HGFAC: variants seen among roughly 807,000 people sequenced by gnomAD.
HGFAC encodes the protein HGF activator, also known as hepatocyte growth factor activator serine protease.
A neutral mutation model predicts 70.6 loss-of-function variants in HGFAC; 76 were observed. That is an observed-to-expected ratio of 1.08 (90% CI 0.89 to 1.30). HGFAC has a LOEUF of 1.30. HGFAC is among the 50% of genes most tolerant of loss of function. The pLI is 0.00. For missense variants in HGFAC, 1,044 were observed against 933.7 expected (o/e 1.12, Z -1.54); for synonymous variants, 464 against 405.3 (o/e 1.14, Z -1.74).
chr4:3,445,695 G>C, intron 9 of HGFAC: 1 of 634,030 alleles, frequency 1.6e-6, no homozygotes, highest in East Asian at 2.7e-5. Flanking sequence ...CTGGGGAGAG[G>C]CCCCCCGGCT....
chr4:3,446,186 C>A lies in HGFAC; in HGVS notation c.1247C>A (p.Pro416His). 6.2e-7 allele frequency: 1 copy of A among 1,611,140 alleles called. No homozygotes were observed. The highest frequency in any genetic ancestry group is 8.5e-7 in the Non-Finnish European group (1 of 1,179,482). The change falls in exon 10 of 14, where the codon CCC becomes CAC. Residue 416 changes from proline to histidine, a missense_variant. Pro to His is a moderately conservative substitution (Grantham distance 77, BLOSUM62 -2). Transcript: ENST00000382774. ...ATCATCGGCGGCTCCTCCTCGCTGCCCGGCTCGCACCCCTGGCTGGCCGCC... is the reference window on the plus strand; with the variant it reads ...ATCATCGGCGGCTCCTCCTCGCTGCACGGCTCGCACCCCTGGCTGGCCGCC... The part of the protein sequence containing the change: ...PRIIGGSSSL[P>H]GSHPWLAAIY...
Position 3,443,393 on chromosome 4 carries a change from G to A in HGFAC, c.448G>A (p.Glu150Lys). The change falls in exon 4 of 14, where the codon GAG (glutamate) becomes AAG (lysine). Residue 150 changes from glutamate (E) to lysine (K), a missense_variant. Transcript: ENST00000382774. ...DRDRAWGYCVEATPPPGGPAA... is the reference protein window; with the variant it reads ...DRDRAWGYCVKATPPPGGPAA... ...GGACAGGGCCTGGGGCTACTGTGTG[G>A]AGGCCACCCCGCCTCCAGGGGGCCC... is the stretch of plus-strand genomic sequence containing the variant. 2.7e-6 allele frequency: 4 copies of A among 1,497,734 alleles called. No individual in the cohort carries two copies. Among genetic ancestry groups the A allele is most frequent in the Non-Finnish European group, 3.6e-6 (4 of 1,122,574 alleles). 92.8% of individuals were successfully genotyped at this position (1,497,734 alleles called of 1,614,324 possible). A position where few individuals can be genotyped will look rare whatever the true frequency, so the allele number is the denominator to read the frequency against.
In HGFAC at chr4:3,448,339, G is replaced by A. The variant is rs575606877; in HGVS notation, c.1785+63G>A. On this transcript the variant is annotated intron_variant, in intron 13 of 13. Transcript: ENST00000382774. ...GGGGCTCAGCTGGTCCTGAGTCTCC[G>A]AGATGCTTGCCCCTGGGGAGCCCAG... The A allele has an allele frequency of 6.3e-4, 984 of 1,557,668 alleles. 21 individuals carry two copies. Among genetic ancestry groups the A allele is most frequent in the Non-Finnish European group, 1.9e-4 (214 of 1,151,982 alleles).
At position 3,448,255 on chromosome 4, in the gene HGFAC, C is replaced by T. The variant is rs1725599948; in HGVS notation, c.1764C>T (p.Asp588=). Residue 588 remains aspartate, a synonymous_variant, in exon 13 of 14, where the codon GAC becomes GAT. Transcript: ENST00000382774. ...SPNMLCAGYF[D]CKSDACQGDS... ...ACATGCTCTGTGCCGGCTACTTCGACTGCAAGTCCGACGCCTGCCAGGTGA... is the reference window on the plus strand; with the variant it reads ...ACATGCTCTGTGCCGGCTACTTCGATTGCAAGTCCGACGCCTGCCAGGTGA... The T allele has an allele frequency of 1.2e-6, 2 of 1,606,534 alleles. No homozygotes were observed. The highest frequency in any genetic ancestry group is 1.7e-6 in the Non-Finnish European group (2 of 1,178,190).
chr4:3,443,026 G>C (rs367755256), intron 2 of HGFAC, 24 bp from the exon 3 acceptor site: 1 of 1,574,830 alleles, frequency 6.3e-7, no homozygotes, highest in Non-Finnish European at 8.6e-7. Flanking sequence ...AGGGAGCCCT[G>C]ACCCTGCCAC....
chr4:3,447,415 TGA>T, intron 10 of HGFAC, 75 bp from the exon 11 acceptor site: 1 of 1,552,274 alleles, frequency 6.4e-7, no homozygotes, highest in Non-Finnish European at 8.8e-7. Flanking sequence ...TCCGTGGGCC[TGA>T]CAGGGGGTGG....
chr4:3,444,108 A>G lies in HGFAC; in HGVS notation c.545A>G (p.Gln182Arg). 1 of 1,612,186 alleles carries G rather than the reference A, an allele frequency of 6.2e-7. No homozygotes were observed. The highest frequency in any genetic ancestry group is 8.5e-7 in the Non-Finnish European group (1 of 1,179,682). Residue 182 changes from glutamine (Q) to arginine (R), a missense_variant, in exon 5 of 14, where the codon CAG becomes CGG. Physicochemically the swap from Gln to Arg is conservative, Grantham distance 43 (BLOSUM62 1). Coordinates refer to ENST00000382774, the MANE Select transcript of HGFAC (RefSeq NM_001528.4). ...GGSCSNTQDP[Q>R]SYHCSCPRAF... is the part of the protein sequence containing the mutation. ...TCCTGCTCCAATACCCAGGACCCCC[A>G]GTCCTATCACTGCAGCTGCCCCCGG...
At chr4:3,441,371 G>A (rs1216639594), upstream of HGFAC, among the ~76,000 whole-genome samples, 3 of 152,132 alleles carry the variant, frequency 2.0e-5, no homozygotes, top group African/African-American at 7.2e-5. This position sits in a 1 kb window ranked among gnomAD's most constrained non-coding sequence, Gnocchi z 6.0. Flanking sequence ...GTCAGAACAG[G>A]CAGGTGGGGC....
At position 3,444,211 on chromosome 4, in the gene HGFAC, C is replaced by G. The variant is rs890417453; in HGVS notation, c.598+50C>G. 1.2e-5 allele frequency: 19 copies of G among 1,565,826 alleles called. No homozygotes were observed. The African/African-American group carries it at 1.6e-4, about 13-fold the overall frequency. On this transcript the variant is annotated intron_variant, in intron 5 of 13. Transcript: ENST00000382774. ...AGGGGTCCAGGGGCCGGAGCAAGTC[C>G]CCGGAGGATGGGAGAACAGGTGGCT... is the stretch of plus-strand genomic sequence containing the variant.
intron 10 of HGFAC, among the ~76,000 whole-genome samples, chr4:3,446,620 C>T (rs180783215): frequency 0.015 from 2,358 of 152,244 alleles, 76 homozygotes; most frequent in Admixed American, 0.074. Context: ...AGTCCTGGCT[C>T]TCAGTAGGGA....
In HGFAC at chr4:3,447,552, C is replaced by T. The variant is rs759083816; in HGVS notation, c.1416C>T (p.Asp472=). The T allele has an allele frequency of 2.0e-5, 32 of 1,612,542 alleles. No homozygotes were observed. Among genetic ancestry groups the T allele is most frequent in the Non-Finnish European group, 2.6e-5 (31 of 1,179,902 alleles). ...LGQHFFNRTT[D]VTQTFGIEKY... is the part of the protein sequence containing the mutation. ...AGCACTTCTTCAACCGCACGACGGA[C>T]GTGACGCAGACCTTCGGCATCGAGA... Residue 472 remains aspartate, a synonymous_variant, in exon 11 of 14, where the codon GAC becomes GAT. Coordinates refer to ENST00000382774, the MANE Select transcript of HGFAC (RefSeq NM_001528.4).
rs774866644 is a variant in HGFAC, at chr4:3,447,546, G to A, written c.1410G>A (p.Thr470=). The part of the protein sequence containing the change: ...VVLGQHFFNR[T]TDVTQTFGIE... ...TGGGCCAGCACTTCTTCAACCGCACGACGGACGTGACGCAGACCTTCGGCA... is the reference window on the plus strand; with the variant it reads ...TGGGCCAGCACTTCTTCAACCGCACAACGGACGTGACGCAGACCTTCGGCA... The change falls in exon 11 of 14, where the codon ACG becomes ACA. Residue 470 remains threonine, a synonymous_variant. Coordinates refer to ENST00000382774, the MANE Select transcript of HGFAC (RefSeq NM_001528.4). 13 of 1,612,544 alleles carry A rather than the reference G, an allele frequency of 8.1e-6. No individual in the cohort carries two copies. The highest frequency in any genetic ancestry group is 1.6e-4 in the Middle Eastern group (1 of 6,080).
At position 3,441,976 on chromosome 4, in the gene HGFAC, C is replaced by T. The variant is rs535388402; in HGVS notation, c.-26C>T. 2.2e-5 allele frequency: 30 copies of T among 1,343,194 alleles called. No individual in the cohort carries two copies. Among genetic ancestry groups the T allele is most frequent in the African/African-American group, 3.1e-5 (2 of 65,152 alleles). 83.2% of individuals were successfully genotyped at this position (1,343,194 alleles called of 1,614,324 possible). A position where few individuals can be genotyped will look rare whatever the true frequency, so the allele number is the denominator to read the frequency against. ...TTGGCCGCTCTGCTCCCGCCTCCCA[C>T]TGCCCCTCAGGCCAGCTCAGGAGCC... On this transcript the variant is annotated 5_prime_UTR_variant, in exon 1 of 14. Coordinates refer to ENST00000382774, the MANE Select transcript of HGFAC (RefSeq NM_001528.4). This position sits in a 1 kb window ranked among gnomAD's most constrained non-coding sequence, Gnocchi z 6.0.
At chr4:3,449,208 G>A (rs750622833) in intron 13 of HGFAC, 29 bp from the exon 14 acceptor site, 1 of 1,598,674 alleles carries the variant, frequency 6.3e-7, no homozygotes. Context: ...GCCCCTGGGA[G>A]GGTGGCTCTG....
intron 4 of HGFAC, among the ~76,000 whole-genome samples, chr4:3,443,767 G>A (rs1472016813): frequency 6.6e-6 from 1 of 152,124 alleles, no homozygotes; most frequent in Non-Finnish European, 1.5e-5. Context: ...CACATGGGAG[G>A]GGTCTGCTGC....
At chr4:3,442,370 A>G (rs879632367) in intron 1 of HGFAC, among the ~76,000 whole-genome samples, 6 of 152,054 alleles carry the variant, frequency 3.9e-5, no homozygotes, top group Admixed American at 6.5e-5. Context: ...CTGGGCCCCT[A>G]TGGGTCTGGG....
Position 3,449,408 on chromosome 4 carries a change from G to A in HGFAC, c.1957G>A (p.Ala653Thr). 3.8e-6 allele frequency: 6 copies of A among 1,559,252 alleles called. No homozygotes were observed. The highest frequency in any genetic ancestry group is 1.2e-5 in the South Asian group (1 of 83,908). The change falls in exon 14 of 14, where the codon GCT becomes ACT. Residue 653 changes from alanine (A) to threonine (T), a missense_variant. Transcript: ENST00000382774. ...GATACGGCCTCCCAGGCGGCTTGTG[G>A]CTCCCTCCTGACCCTCCAGCGGGAC... The part of the protein sequence containing the change: ...DRIRPPRRLV[A>T]PS
chr4:3,442,611 G>A, intron 1 of HGFAC, 121 bp from the exon 2 acceptor site: 2 of 629,656 alleles, frequency 3.2e-6, no homozygotes, highest in South Asian at 3.6e-5. Context: ...TGTCCTCCTG[G>A]AACCTGCTCC....
At position 3,442,725 on chromosome 4, in the gene HGFAC, C is replaced by T. The variant is rs546416770; in HGVS notation, c.118-7C>T. On this transcript the variant is annotated splice_polypyrimidine_tract_variant and splice_region_variant and intron_variant, in intron 1 of 13. Coordinates refer to ENST00000382774, the MANE Select transcript of HGFAC (RefSeq NM_001528.4). ...TCCCACACTGACACCCTTTCTGCTC[C>T]TCCTAGAACCGTACGGAGTCCCCAG... is the stretch of plus-strand genomic sequence containing the variant. 2.7e-6 allele frequency: 4 copies of T among 1,470,342 alleles called. No homozygotes were observed. Among genetic ancestry groups the T allele is most frequent in the South Asian group, 3.0e-5 (2 of 67,088 alleles). 91.1% of individuals were successfully genotyped at this position (1,470,342 alleles called of 1,614,324 possible).
Sources: gnomAD v4.1 joint callset for allele counts (sites outside exome capture counted in the v4.1 genomes callset) on GRCh38, gnomAD v4.1.1 for gene constraint, Gnocchi (gnomAD v3.1) non-coding constraint, MANE v1.5 for transcripts, NCBI Gene and HGNC (gene_info 2026-07-23, HGNC 2026-07-21) for gene names.